The following DISP1 variants were observed in gnomAD, a reference collection of about 807,000 sequenced individuals.
The protein encoded by DISP1 is protein dispatched homolog 1.
Under a neutral mutation model 37.3 loss-of-function variants are expected in DISP1, and 30 were observed. That is an observed-to-expected ratio of 0.80 (90% CI 0.60 to 1.09). The LOEUF (loss-of-function observed/expected upper bound fraction) is 1.09, where lower values mean the gene tolerates loss of function less well. DISP1 is among the 50% of genes least tolerant of loss of function. The pLI is 0.00. For missense variants in DISP1, 1,598 were observed against 1,879.5 expected (o/e 0.85, Z 2.77); for synonymous variants, 634 against 690.2 (o/e 0.92, Z 1.28).
chr1:222,976,906 A>T (rs1183791450), intron 3 of DISP1, among the ~76,000 whole-genome samples: 8 of 144,242 alleles, frequency 5.5e-5, no homozygotes, highest in Admixed American at 5.3e-4. Flanking sequence ...TAAGTGAAAA[A>T]ATGGGATTGA....
chr1:222,909,795 A>C (rs1672111725), intron 1 of DISP1, among the ~76,000 whole-genome samples: 1 of 152,224 alleles, frequency 6.6e-6, no homozygotes, highest in South Asian at 2.1e-4. Flanking sequence ...AGAAGCAGGA[A>C]GTTGCTCAAC....
At chr1:222,868,326 AT>A (rs1409590067) in intron 1 of DISP1, among the ~76,000 whole-genome samples, 2 of 151,942 alleles carry the variant, frequency 1.3e-5, no homozygotes, top group African/African-American at 2.4e-5. Context: ...AATGAAAAAA[AT>A]GAAACAAAAC....
At chr1:222,982,560 C>G (rs1409532495) in intron 3 of DISP1, among the ~76,000 whole-genome samples, 1 of 152,052 alleles carries the variant, frequency 6.6e-6, no homozygotes, top group Non-Finnish European at 1.5e-5. Flanking sequence ...AATACAAGCC[C>G]GTATCTGTTG....
chr1:222,947,783 A>G (rs1420709412), intron 3 of DISP1, among the ~76,000 whole-genome samples: 1 of 152,120 alleles, frequency 6.6e-6, no homozygotes, highest in Non-Finnish European at 1.5e-5. Flanking sequence ...GAAAAAAAAA[A>G]CACAGTAAGA....
chr1:222,866,873 C>CA (rs1273318991), intron 1 of DISP1, among the ~76,000 whole-genome samples: 1 of 151,824 alleles, frequency 6.6e-6, no homozygotes, highest in Non-Finnish European at 1.5e-5. Context: ...GGAATACTTG[C>CA]AAAAAAATAC....
At chr1:222,910,126 G>A (rs1390950774) in intron 1 of DISP1, among the ~76,000 whole-genome samples, 2 of 152,166 alleles carry the variant, frequency 1.3e-5, no homozygotes, top group Non-Finnish European at 2.9e-5. Context: ...CACATTGGGA[G>A]ACCAAAGTGG....
intron 3 of DISP1, among the ~76,000 whole-genome samples, chr1:222,961,976 A>G (rs1220877511): frequency 6.6e-6 from 1 of 152,082 alleles, no homozygotes; most frequent in Admixed American, 6.6e-5. Flanking sequence ...ACTGCACTCC[A>G]GCCTGGTGAC....
intron 1 of DISP1, among the ~76,000 whole-genome samples, chr1:222,915,690 C>A (rs1050762862): frequency 6.6e-6 from 1 of 152,210 alleles, no homozygotes. Context: ...TAGTATTAGG[C>A]ATGGTCGGTG....
rs564014759 is a variant in DISP1, at chr1:222,897,179, G to A, written c.-158-31251G>A. ...CTCCTCAGCAATAAAAAGACAGCACGGATGAATCTTATAGATATCTGTTGA... is the reference window on the plus strand; with the variant it reads ...CTCCTCAGCAATAAAAAGACAGCACAGATGAATCTTATAGATATCTGTTGA... On this transcript the variant is annotated intron_variant, in intron 1 of 8. Coordinates refer to ENST00000675850, the MANE Select transcript of DISP1 (RefSeq NM_001377229.1). Among the ~76,000 whole-genome samples the A allele has an allele frequency of 8.5e-5, 13 of 152,236 alleles. No homozygotes were observed. The South Asian group carries it at 2.5e-3, about 29-fold the overall frequency.
chr1:222,937,974 A>G (rs1674096707), intron 2 of DISP1, among the ~76,000 whole-genome samples: 2 of 152,060 alleles, frequency 1.3e-5, no homozygotes, highest in South Asian at 2.1e-4. Flanking sequence ...CTTGGGCTCA[A>G]GTGATCCTCC....
intron 4 of DISP1, among the ~76,000 whole-genome samples, chr1:222,984,282 CTG>C (rs1248129849): frequency 6.6e-6 from 1 of 151,106 alleles, no homozygotes; most frequent in Non-Finnish European, 1.5e-5. Flanking sequence ...TGGTTTGTAC[CTG>C]TAGTCCCAGC....
At chr1:222,964,732 C>T (rs1268743008) in intron 3 of DISP1, among the ~76,000 whole-genome samples, 2 of 152,180 alleles carry the variant, frequency 1.3e-5, no homozygotes. Context: ...ACTTTAACAC[C>T]TTACCTGGTG....
intron 1 of DISP1, among the ~76,000 whole-genome samples, chr1:222,817,058 TA>T (rs1289757789): frequency 6.6e-6 from 1 of 152,254 alleles, no homozygotes; most frequent in African/African-American, 2.4e-5. Flanking sequence ...CAAGTTGGGC[TA>T]GCTATATATA....
At chr1:222,907,253 T>C (rs1334269678) in intron 1 of DISP1, among the ~76,000 whole-genome samples, 1 of 152,196 alleles carries the variant, frequency 6.6e-6, no homozygotes, top group Admixed American at 6.5e-5. Context: ...TTAAACTCAG[T>C]TCGCTTTAGT....
At chr1:222,977,529 A>T (rs1404051017) in intron 3 of DISP1, among the ~76,000 whole-genome samples, 87 of 67,942 alleles carry the variant, frequency 1.3e-3, no homozygotes, top group Admixed American at 5.1e-3. Flanking sequence ...TTTTTTTTTT[A>T]AATTCTTTTT....
chr1:222,936,955 TATA>T (rs1217041446), intron 2 of DISP1, among the ~76,000 whole-genome samples: 1 of 93,980 alleles, frequency 1.1e-5, no homozygotes, highest in African/African-American at 4.3e-5. Context: ...TATTACATAT[TATA>T]TTATTTATAA....
chr1:222,954,944 G>A (rs532176973), intron 3 of DISP1, among the ~76,000 whole-genome samples: 1 of 152,264 alleles, frequency 6.6e-6, no homozygotes, highest in Non-Finnish European at 1.5e-5. Flanking sequence ...GGCAATAAGT[G>A]GTGGTGGGGT....
At chr1:222,907,868 G>A (rs1338880455) in intron 1 of DISP1, among the ~76,000 whole-genome samples, 3 of 152,168 alleles carry the variant, frequency 2.0e-5, no homozygotes, top group East Asian at 3.9e-4. Context: ...AGAATTGCTT[G>A]AACCCTGGAG....
rs755409410 is a variant in DISP1, at chr1:222,943,037, C to A, written c.214C>A (p.Gln72Lys). Reference sequence around the variant, plus strand: ...ATCATCCTTTCTGCCTTTAGACAACCAAAGAATGCCTCAGATGTTACCCCA... The same window carrying A: ...ATCATCCTTTCTGCCTTTAGACAACAAAAGAATGCCTCAGATGTTACCCCA... ...VKSSFLPLDN[Q>K]RMPQMLPQCC... The change falls in exon 3 of 9, where the codon CAA (glutamine) becomes AAA (lysine). Residue 72 changes from glutamine to lysine, a missense_variant. Gln to Lys is a moderately conservative substitution (Grantham distance 53). Transcript: ENST00000675850. The A allele has an allele frequency of 1.2e-6, 2 of 1,614,028 alleles. No individual in the cohort carries two copies. The highest frequency in any genetic ancestry group is 1.3e-5 in the African/African-American group (1 of 74,906).
Sources: allele counts gnomAD v4.1 joint callset (sites outside exome capture counted in the v4.1 genomes callset), GRCh38; gene constraint gnomAD v4.1.1; transcripts MANE v1.5; gene names NCBI Gene and HGNC (gene_info 2026-07-23, HGNC 2026-07-21).